GLG1: variants seen among roughly 807,000 people sequenced by gnomAD.
The protein encoded by GLG1 is Golgi apparatus protein 1.
A neutral mutation model predicts 160.5 loss-of-function variants in GLG1; 38 were observed. The ratio of observed to expected loss-of-function variants is 0.24; its 90% CI spans 0.18 to 0.31. The LOEUF (loss-of-function observed/expected upper bound fraction) is 0.31. GLG1 is among the 10% of genes least tolerant of loss of function. The probability of loss-of-function intolerance (pLI) is 1.00; values close to 1 mark genes in which losing one functional copy is unlikely to be tolerated. For synonymous variants in GLG1, 644 were observed against 543.4 expected (o/e 1.19, Z -2.57); for missense variants, 1,373 against 1,505.2 (o/e 0.91, Z 1.45).
At chr16:74,606,553 G>C in intron 1 of GLG1, 104 bp downstream of exon 1, 1 of 955,376 alleles carries the variant, frequency 1.0e-6, no homozygotes, top group East Asian at 2.5e-5. Flanking sequence ...GCAGCACAGA[G>C]GAAGCAAGGA....
intron 1 of GLG1, among the ~76,000 whole-genome samples, chr16:74,587,046 A>G (rs1958070417): frequency 6.6e-6 from 1 of 152,136 alleles, no homozygotes; most frequent in Non-Finnish European, 1.5e-5. Flanking sequence ...CACATTTAAT[A>G]TGTCAGAAGT....
intron 9 of GLG1, 117 bp downstream of exon 9, chr16:74,485,679 G>T (rs974690240): frequency 1.0e-5 from 9 of 887,896 alleles, no homozygotes; most frequent in Non-Finnish European, 1.6e-5. Flanking sequence ...TGTTCAACTT[G>T]TTCAACAAAA....
chr16:74,503,283 T>C (rs1009259794), intron 4 of GLG1, among the ~76,000 whole-genome samples: 4 of 152,218 alleles, frequency 2.6e-5, no homozygotes, highest in Middle Eastern at 3.4e-3. Context: ...TGGTCTAATA[T>C]TGTGAAGATA....
At chr16:74,533,137 A>G (rs923369734) in intron 1 of GLG1, among the ~76,000 whole-genome samples, 1 of 151,902 alleles carries the variant, frequency 6.6e-6, no homozygotes, top group African/African-American at 2.4e-5. Context: ...TGGCTAACAC[A>G]GTGAAACCCT....
chr16:74,477,595 A>G lies in GLG1; in HGVS notation c.1828-62T>C. On this transcript the variant is annotated intron_variant, in intron 11 of 25. Transcript: ENST00000422840. The stretch of plus-strand genomic sequence containing the variant: ...AACAAAACAAAAACACAAAGATATG[A>G]GATAAACCTGCTATGAGGAAACTAA... 3 of 1,265,266 alleles carry G rather than the reference A, an allele frequency of 2.4e-6. No individual in the cohort carries two copies. The South Asian group carries it at 3.8e-5, about 16-fold the overall frequency. 78.4% of individuals were successfully genotyped at this position (1,265,266 alleles called of 1,614,324 possible). A position where few individuals can be genotyped will look rare whatever the true frequency, so the allele number is the denominator to read the frequency against.
intron 1 of GLG1, among the ~76,000 whole-genome samples, chr16:74,603,907 G>A (rs888452237): frequency 3.3e-5 from 5 of 151,510 alleles, no homozygotes; most frequent in African/African-American, 7.3e-5. Flanking sequence ...CACCATTACT[G>A]GCTATTACAT....
In GLG1 at chr16:74,447,519, T is replaced by C. The variant is rs1480045285; in HGVS notation, c.*5648A>G. ...ACATTATGTTCAGAACATATCTCAG[T>C]AACATCTCAAAATTACACAGCATGA... On this transcript the variant is annotated 3_prime_UTR_variant, in exon 26 of 26. Coordinates refer to ENST00000422840, the MANE Select transcript of GLG1 (RefSeq NM_001145667.2). The C allele has an allele frequency of 6.6e-6, 1 of 152,174 alleles. No homozygotes were observed. Among genetic ancestry groups the C allele is most frequent in the Non-Finnish European group, 1.5e-5 (1 of 68,024 alleles). The allele number at this position is 152,174 out of a possible 1,614,324, so 9.4% of individuals were successfully genotyped here.
intron 1 of GLG1, among the ~76,000 whole-genome samples, chr16:74,553,841 A>T (rs887405355): frequency 6.6e-6 from 1 of 152,130 alleles, no homozygotes; most frequent in African/African-American, 2.4e-5. Flanking sequence ...TTCTGCTATC[A>T]TTTTGGTCTT....
intron 8 of GLG1, among the ~76,000 whole-genome samples, chr16:74,488,373 C>G (rs2015866823): frequency 6.6e-6 from 1 of 152,094 alleles, no homozygotes; most frequent in Non-Finnish European, 1.5e-5. Flanking sequence ...GAGACCCCAT[C>G]ACTTAAAAAA....
At chr16:74,511,989 G>T (rs1429299838) in intron 2 of GLG1, among the ~76,000 whole-genome samples, 1 of 151,716 alleles carries the variant, frequency 6.6e-6, no homozygotes. Flanking sequence ...CCTCTCTAAA[G>T]TGTACAATTC....
rs760881916 is a variant in GLG1 at position 74,491,041 on chromosome 16, C to A, written c.1409G>T (p.Arg470Leu). 1 of 1,614,046 alleles carries A rather than the reference C, an allele frequency of 6.2e-7. No individual in the cohort carries two copies. Among genetic ancestry groups the A allele is most frequent in the Non-Finnish European group, 8.5e-7 (1 of 1,180,006 alleles). ...CATTCCAAGGTTCCCCTTCTCCCCT[C>A]GAACTACTTTCATCAGACAGTGTAG... Reference protein sequence around the residue: ...RTLHCLMKVVRGEKGNLGMNC... With the variant: ...RTLHCLMKVVLGEKGNLGMNC... Residue 470 changes from arginine to leucine, a missense_variant, in exon 8 of 26, where the codon CGA becomes CTA. Transcript: ENST00000422840.
Position 74,453,095 on chromosome 16 carries a change from T to C in GLG1, c.*72A>G, listed in dbSNP as rs2014390431. 1.9e-6 allele frequency: 3 copies of C among 1,557,038 alleles called. No homozygotes were observed. The highest frequency in any genetic ancestry group is 1.7e-6 in the Non-Finnish European group (2 of 1,151,696). On this transcript the variant is annotated 3_prime_UTR_variant, in exon 26 of 26. Transcript: ENST00000422840. ...TCACTTCTGAGAAGAGCGAGGTGAGTGGGGATGCTATACAAGAGGGCTGTA... is the reference window on the plus strand; with the variant it reads ...TCACTTCTGAGAAGAGCGAGGTGAGCGGGGATGCTATACAAGAGGGCTGTA...
At chr16:74,554,553 G>C (rs2018301195) in intron 1 of GLG1, among the ~76,000 whole-genome samples, 1 of 152,130 alleles carries the variant, frequency 6.6e-6, no homozygotes, top group South Asian at 2.1e-4. Flanking sequence ...ATAAAAAAAT[G>C]AGAGGGATTC....
At chr16:74,536,403 G>A (rs2017688849) in intron 1 of GLG1, among the ~76,000 whole-genome samples, 1 of 152,070 alleles carries the variant, frequency 6.6e-6, no homozygotes. Context: ...TAGCCAACAA[G>A]TATATATTGA....
Position 74,503,757 on chromosome 16 carries a change from T to C in GLG1, c.559-11A>G. 6.4e-7 allele frequency: 1 copy of C among 1,554,940 alleles called. No individual in the cohort carries two copies. Among genetic ancestry groups the C allele is most frequent in the Non-Finnish European group, 8.9e-7 (1 of 1,126,456 alleles). On this transcript the variant is annotated splice_polypyrimidine_tract_variant and intron_variant, in intron 3 of 25. Coordinates refer to ENST00000422840, the MANE Select transcript of GLG1 (RefSeq NM_001145667.2). ...AGCACATTCTTTAATCTGCTCAAAA[T>C]AAAGTAGCTGTTTTACAAAAGTGTT...
At chr16:74,456,874 A>C in intron 24 of GLG1, 119 bp from the exon 25 acceptor site, 1 of 694,434 alleles carries the variant, frequency 1.4e-6, no homozygotes, top group Non-Finnish European at 2.6e-6. Context: ...GGCTCAACAA[A>C]GTTAAATACA....
At chr16:74,515,227 GACAT>G (rs1014033917) in intron 2 of GLG1, among the ~76,000 whole-genome samples, 186 of 152,160 alleles carry the variant, frequency 1.2e-3, no homozygotes, top group African/African-American at 4.2e-3. Context: ...ATCAATAATA[GACAT>G]ATCAACGAGA....
chr16:74,585,161 A>T (rs1597372696), intron 1 of GLG1, among the ~76,000 whole-genome samples: 1 of 152,124 alleles, frequency 6.6e-6, no homozygotes, highest in African/African-American at 2.4e-5. Flanking sequence ...TAATCCCAGC[A>T]CTGTGGAAGG....
rs2014149802 is a variant in GLG1, at chr16:74,448,382, T to TG, written c.*4784dup. The TG allele has an allele frequency of 6.6e-6, 1 of 152,200 alleles. No individual in the cohort carries two copies. The highest frequency in any genetic ancestry group is 6.5e-5 in the Admixed American group (1 of 15,270). 9.4% of individuals were successfully genotyped at this position (152,200 alleles called of 1,614,324 possible). On this transcript the variant is annotated 3_prime_UTR_variant, in exon 26 of 26. Transcript: ENST00000422840. ...GAGAGAGACCCACAGCACCAGATGC[T>TG]GCATTTTACAAAACCACTTAGGTGC...
Sources: allele counts gnomAD v4.1 joint callset (sites outside exome capture counted in the v4.1 genomes callset), GRCh38; gene constraint gnomAD v4.1.1; transcripts MANE v1.5; gene names NCBI Gene and HGNC (gene_info 2026-07-23, HGNC 2026-07-21).